Variants in RALA observed in about 807,000 individuals in gnomAD.
The protein encoded by RALA is ras-related protein Ral-A.
A neutral mutation model predicts 24.0 loss-of-function variants in RALA; 5 were observed. That is an observed-to-expected ratio of 0.21 (90% CI 0.11 to 0.44). The LOEUF is 0.44. Among genes scored for constraint, RALA ranks in the 20% least tolerant of loss-of-function variants. The pLI, the probability that RALA is intolerant of heterozygous loss-of-function variation, is 0.99. For synonymous variants in RALA, 77 were observed against 83.8 expected (o/e 0.92, Z 0.44); for missense variants, 95 against 241.2 (o/e 0.39, Z 4.01).
At chr7:39,641,869 T>C (rs539086528) in intron 1 of RALA, among the ~76,000 whole-genome samples, 2 of 152,346 alleles carry the variant, frequency 1.3e-5, no homozygotes, top group African/African-American at 4.8e-5. Flanking sequence ...AATTTGTTCA[T>C]GTAGTTGAAC....
At chr7:39,668,452 T>A (rs1792321782) in intron 1 of RALA, among the ~76,000 whole-genome samples, 1 of 152,206 alleles carries the variant, frequency 6.6e-6, no homozygotes, top group Non-Finnish European at 1.5e-5. Context: ...TTGCTTTGTG[T>A]CTACAGGATG....
chr7:39,672,312 C>T (rs1245633840), intron 1 of RALA, among the ~76,000 whole-genome samples: 1 of 152,128 alleles, frequency 6.6e-6, no homozygotes, highest in Non-Finnish European at 1.5e-5. Context: ...AAGAGCTCAA[C>T]ATGATTAGTT....
At chr7:39,671,436 T>G (rs372415227) in intron 1 of RALA, among the ~76,000 whole-genome samples, 3 of 152,212 alleles carry the variant, frequency 2.0e-5, no homozygotes, top group South Asian at 2.1e-4. Flanking sequence ...GATTTTGCAC[T>G]GACTGTGGAC....
chr7:39,686,163 G>A (rs1792700995), intron 1 of RALA, among the ~76,000 whole-genome samples: 3 of 142,844 alleles, frequency 2.1e-5, no homozygotes, highest in South Asian at 2.2e-4. Flanking sequence ...CCGAGATCAC[G>A]CCACTGCACT....
At chr7:39,655,256 G>C (rs1792076826) in intron 1 of RALA, among the ~76,000 whole-genome samples, 1 of 152,110 alleles carries the variant, frequency 6.6e-6, no homozygotes, top group African/African-American at 2.4e-5. Context: ...GCAATAAAAG[G>C]GAATGAGCTA....
At chr7:39,644,679 T>C (rs573915925) in intron 1 of RALA, among the ~76,000 whole-genome samples, 1 of 152,344 alleles carries the variant, frequency 6.6e-6, no homozygotes, top group East Asian at 1.9e-4. Flanking sequence ...AGTACTGCCC[T>C]TTATTCTTAG....
intron 3 of RALA, among the ~76,000 whole-genome samples, chr7:39,695,095 G>A (rs1792895179): frequency 6.6e-6 from 1 of 151,210 alleles, no homozygotes; most frequent in South Asian, 2.1e-4. Flanking sequence ...GCAAAACCAA[G>A]TGTACTTTGC....
At position 39,678,277 on chromosome 7, in the gene RALA, T is replaced by G. The variant is rs1583741517; in HGVS notation, c.-37-8354T>G. On this transcript the variant is annotated intron_variant, in intron 1 of 4. Coordinates refer to ENST00000005257, the MANE Select transcript of RALA (RefSeq NM_005402.4). ...AATGTGTGTTGTTTTAAGCCACTAATTTTGTGGTAATTTGCTGCAGCAGAA... is the reference window on the plus strand; with the variant it reads ...AATGTGTGTTGTTTTAAGCCACTAAGTTTGTGGTAATTTGCTGCAGCAGAA... Among the ~76,000 whole-genome samples, 3 of 152,152 alleles carry G rather than the reference T, an allele frequency of 2.0e-5. No individual in the cohort carries two copies. In the East Asian group the frequency reaches 5.8e-4, roughly 29 times the overall value.
Position 39,696,665 on chromosome 7 carries a change from T to C in RALA, c.324-20T>C. 3 of 1,557,400 alleles carry C rather than the reference T, an allele frequency of 1.9e-6. No homozygotes were observed. Among genetic ancestry groups the C allele is most frequent in the Non-Finnish European group, 2.6e-6 (3 of 1,146,552 alleles). On this transcript the variant is annotated intron_variant, in intron 3 of 4. Transcript: ENST00000005257. ...TATCCTTATAATGTTAATATTTCTT[T>C]TTCATTTTCTCTTATCCAGGGAGCA...
At chr7:39,651,684 G>A (rs546043861) in intron 1 of RALA, among the ~76,000 whole-genome samples, 1 of 151,920 alleles carries the variant, frequency 6.6e-6, no homozygotes, top group Non-Finnish European at 1.5e-5. Context: ...CCCTTGTTCA[G>A]ATTACTCTTA....
intron 1 of RALA, among the ~76,000 whole-genome samples, chr7:39,664,795 G>T (rs6969523): frequency 0.67 from 101,330 of 151,468 alleles, 34,572 homozygotes; most frequent in African/African-American, 0.8. Context: ...TGAAAGAGTT[G>T]GTGGACGTGC....
intron 1 of RALA, among the ~76,000 whole-genome samples, chr7:39,672,409 G>T (rs1792405111): frequency 6.6e-6 from 1 of 152,130 alleles, no homozygotes; most frequent in Non-Finnish European, 1.5e-5. Flanking sequence ...GCCAGGATGT[G>T]AAAGCAACTG....
intron 1 of RALA, among the ~76,000 whole-genome samples, chr7:39,655,506 C>T (rs1231176775): frequency 6.6e-6 from 1 of 152,116 alleles, no homozygotes; most frequent in Admixed American, 6.5e-5. Context: ...AAAGCTGCTC[C>T]AAATATAATT....
At chr7:39,647,557 A>T (rs1173629849) in intron 1 of RALA, among the ~76,000 whole-genome samples, 2 of 152,204 alleles carry the variant, frequency 1.3e-5, no homozygotes, top group African/African-American at 4.8e-5. Flanking sequence ...GATCCCGGAC[A>T]TGTTTGCACT....
chr7:39,626,145 A>G (rs113982034), intron 1 of RALA, among the ~76,000 whole-genome samples: 1 of 152,234 alleles, frequency 6.6e-6, no homozygotes, highest in Admixed American at 6.5e-5. Context: ...CCTCAGTGAC[A>G]TTACCACTAT....
chr7:39,646,971 G>C (rs534267480), intron 1 of RALA, among the ~76,000 whole-genome samples: 2 of 152,146 alleles, frequency 1.3e-5, no homozygotes, highest in South Asian at 4.1e-4. Context: ...GTATATAAAT[G>C]TTGTGTTGGC....
At chr7:39,652,822 G>A (rs1792039975) in intron 1 of RALA, among the ~76,000 whole-genome samples, 1 of 151,852 alleles carries the variant, frequency 6.6e-6, no homozygotes, top group Non-Finnish European at 1.5e-5. Context: ...CTGGAGTGCA[G>A]TGGTGTGATC....
intron 1 of RALA, among the ~76,000 whole-genome samples, chr7:39,674,099 G>T (rs890674063): frequency 3.3e-5 from 5 of 151,080 alleles, no homozygotes; most frequent in African/African-American, 7.3e-5. Flanking sequence ...AAGGTTGAGG[G>T]GGGGTGGTCT....
chr7:39,652,870 A>G (rs1792041011), intron 1 of RALA, among the ~76,000 whole-genome samples: 1 of 151,340 alleles, frequency 6.6e-6, no homozygotes, highest in Admixed American at 6.6e-5. Context: ...GGTGCGAGCA[A>G]TTCTCCCACC....
Sources: gnomAD v4.1 joint callset for allele counts (sites outside exome capture counted in the v4.1 genomes callset) on GRCh38, gnomAD v4.1.1 for gene constraint, MANE v1.5 for transcripts, NCBI Gene and HGNC (gene_info 2026-07-23, HGNC 2026-07-21) for gene names.